HIVEP2: variants seen among roughly 807,000 people sequenced by gnomAD.
HIVEP2 encodes HIVEP zinc finger 2, also known as transcription factor HIVEP2.
In HIVEP2, 14 loss-of-function variants were observed where a neutral mutation model predicts 180.7. The ratio of observed to expected loss-of-function variants is 0.08; its 90% CI spans 0.05 to 0.12. HIVEP2 has a LOEUF of 0.12. Among genes scored for constraint, HIVEP2 ranks in the 10% least tolerant of loss-of-function variants. HIVEP2 has a pLI of 1.00. For synonymous variants in HIVEP2, 1,184 were observed against 1,136.4 expected, an observed-to-expected ratio of 1.04 and a Z score of -0.84; for missense variants, 2,579 against 3,008.5, an observed-to-expected ratio of 0.86 and a Z score of 3.34.
chr6:142,809,151 A>G (rs1481978803), intron 2 of HIVEP2, among the ~76,000 whole-genome samples: 1 of 152,134 alleles, frequency 6.6e-6, no homozygotes, highest in East Asian at 1.9e-4. Context: ...GATGAATACT[A>G]GATATGAATG....
At chr6:142,905,394 A>C (rs1243122193) in intron 1 of HIVEP2, among the ~76,000 whole-genome samples, 1 of 152,214 alleles carries the variant, frequency 6.6e-6, no homozygotes, top group African/African-American at 2.4e-5. Context: ...ACGGGGGCCC[A>C]CTAAAATGAT....
At chr6:142,789,151 T>G (rs1776077114) in intron 2 of HIVEP2, among the ~76,000 whole-genome samples, 1 of 152,184 alleles carries the variant, frequency 6.6e-6, no homozygotes, top group African/African-American at 2.4e-5. Context: ...GAAAATCATT[T>G]TTTGTTAAAC....
intron 1 of HIVEP2, among the ~76,000 whole-genome samples, chr6:142,930,357 A>G (rs968943691): frequency 7.2e-5 from 11 of 152,220 alleles, no homozygotes; most frequent in African/African-American, 2.7e-4. Flanking sequence ...TTTGGTTCCT[A>G]TAGAACCCTT....
rs939198921 is a variant in HIVEP2 at position 142,785,608 on chromosome 6, C to G, written c.-527-1993G>C. ...CTACCAGCAGTCTCCACAGGCAAAA[C>G]AGAGCACGTGAGTGCCCCCCAACAA... On this transcript the variant is annotated intron_variant, in intron 2 of 9. Transcript: ENST00000367603. Among the ~76,000 whole-genome samples, 13 of 152,346 alleles carry G rather than the reference C, an allele frequency of 8.5e-5. No individual in the cohort carries two copies. In the East Asian group the frequency reaches 2.3e-3, roughly 27 times the overall value.
At chr6:142,884,356 T>A (rs971959890) in intron 1 of HIVEP2, among the ~76,000 whole-genome samples, 5 of 152,100 alleles carry the variant, frequency 3.3e-5, no homozygotes, top group Admixed American at 6.6e-5. Context: ...TAAGTGTCTT[T>A]AAAAAAATAG....
intron 1 of HIVEP2, among the ~76,000 whole-genome samples, chr6:142,927,142 C>A (rs894038134): frequency 5.3e-5 from 8 of 152,064 alleles, no homozygotes; most frequent in African/African-American, 1.7e-4. Flanking sequence ...GCTCTTCCTC[C>A]CGGAGGAAAC....
At chr6:142,759,027 C>A (rs1403195390) in intron 9 of HIVEP2, among the ~76,000 whole-genome samples, 3 of 152,140 alleles carry the variant, frequency 2.0e-5, no homozygotes, top group Non-Finnish European at 2.9e-5. Context: ...TGAGGCCAGG[C>A]GCAGTGGCTC....
chr6:142,907,225 T>C (rs12209896), intron 1 of HIVEP2, among the ~76,000 whole-genome samples: 46,152 of 152,128 alleles, frequency 0.3, 7,673 homozygotes, highest in Admixed American at 0.44. Flanking sequence ...TTGTACTACA[T>C]CCATTATTTC....
intron 7 of HIVEP2, among the ~76,000 whole-genome samples, chr6:142,762,383 C>A (rs1329019795): frequency 6.6e-6 from 1 of 150,838 alleles, no homozygotes; most frequent in Non-Finnish European, 1.5e-5. Context: ...TGTATAACTG[C>A]TTTATGAAAT....
chr6:142,874,911 G>T (rs1224837833), intron 1 of HIVEP2, among the ~76,000 whole-genome samples: 2 of 152,080 alleles, frequency 1.3e-5, no homozygotes, highest in African/African-American at 4.8e-5. Flanking sequence ...TGGTGAATGA[G>T]TCAACAAATT....
chr6:142,804,017 C>G lies in HIVEP2; in HGVS notation c.-527-20402G>C, dbSNP rs768469759. Among the ~76,000 whole-genome samples the G allele has an allele frequency of 3.3e-5, 5 of 152,180 alleles. No homozygotes were observed. In the South Asian group the frequency reaches 1.0e-3, roughly 32 times the overall value. ...TGTTTATCACCTGTTTTCACAATCTCCTAATTCTAAGAAGTTTCCAAGCAA... is the reference window on the plus strand; with the variant it reads ...TGTTTATCACCTGTTTTCACAATCTGCTAATTCTAAGAAGTTTCCAAGCAA... On this transcript the variant is annotated intron_variant, in intron 2 of 9. Transcript: ENST00000367603.
At chr6:142,785,309 CAAAAAAAAAAAAAAAAAAAA>C (rs57458259) in intron 2 of HIVEP2, among the ~76,000 whole-genome samples, 859 of 65,416 alleles carry the variant, frequency 0.013, 19 homozygotes, top group Non-Finnish European at 0.019. Flanking sequence ...TGGCATTCCT[CAAAAAAAAAAAAAAAAAAAA>C]AAAAAAAAAA....
intron 2 of HIVEP2, among the ~76,000 whole-genome samples, chr6:142,828,391 T>A (rs1263815558): frequency 6.6e-6 from 1 of 152,172 alleles, no homozygotes; most frequent in African/African-American, 2.4e-5. Flanking sequence ...TAATCTTTGC[T>A]CAACTCTCAT....
At chr6:142,791,855 T>C (rs529099338) in intron 2 of HIVEP2, among the ~76,000 whole-genome samples, 110 of 152,236 alleles carry the variant, frequency 7.2e-4, no homozygotes, top group African/African-American at 2.5e-3. Flanking sequence ...TACTGTCTAA[T>C]GAGTAAGGAA....
At position 142,752,977 on chromosome 6, in the gene HIVEP2, A is replaced by G. The variant is rs1426244725; in HGVS notation, c.*130T>C. On this transcript the variant is annotated 3_prime_UTR_variant, in exon 10 of 10. Transcript: ENST00000367603. Reference sequence around the variant, plus strand: ...TTTACCTAATTCTTTTGATATAACAAAAGTATATATAATAGCAAACTACTG... The same window carrying G: ...TTTACCTAATTCTTTTGATATAACAGAAGTATATATAATAGCAAACTACTG... 2 of 638,536 alleles carry G rather than the reference A, an allele frequency of 3.1e-6. No individual in the cohort carries two copies. Among genetic ancestry groups the G allele is most frequent in the Non-Finnish European group, 5.5e-6 (2 of 361,542 alleles). The allele number at this position is 638,536 out of a possible 1,614,324, so 39.6% of individuals were successfully genotyped here.
chr6:142,906,077 T>TA (rs1777258130), intron 1 of HIVEP2, among the ~76,000 whole-genome samples: 1 of 152,176 alleles, frequency 6.6e-6, no homozygotes, highest in Non-Finnish European at 1.5e-5. Context: ...GAGGTTGCAG[T>TA]AAGCTGAGAT....
intron 6 of HIVEP2, among the ~76,000 whole-genome samples, chr6:142,766,682 T>C: frequency 6.6e-6 from 1 of 152,264 alleles, no homozygotes; most frequent in Middle Eastern, 3.4e-3. Context: ...CTGTATAAAA[T>C]ATAATGATGT....
intron 2 of HIVEP2, among the ~76,000 whole-genome samples, chr6:142,833,865 T>C (rs1775157463): frequency 6.6e-6 from 1 of 152,168 alleles, no homozygotes; most frequent in African/African-American, 2.4e-5. Context: ...TTGTAAATAT[T>C]AATACTCAAA....
intron 1 of HIVEP2, 164 bp downstream of exon 1, chr6:142,944,935 C>G (rs1374280547): frequency 1.3e-5 from 2 of 150,862 alleles, no homozygotes; most frequent in African/African-American, 4.8e-5. Flanking sequence ...TTCCTTCGCT[C>G]CTTCCTTCCT....
Sources: gnomAD v4.1 joint callset for allele counts (sites outside exome capture counted in the v4.1 genomes callset) on GRCh38, gnomAD v4.1.1 for gene constraint, MANE v1.5 for transcripts, NCBI Gene and HGNC (gene_info 2026-07-23, HGNC 2026-07-21) for gene names.